The following AOPEP variants were observed in gnomAD, a reference collection of about 807,000 sequenced individuals.
AOPEP encodes aminopeptidase O.
In AOPEP, 77 loss-of-function variants were observed where a neutral mutation model predicts 98.1. The observed-to-expected ratio is 0.78, with a 90% CI of 0.65 to 0.95. The LOEUF is 0.95. AOPEP is among the 40% of genes least tolerant of loss of function. The pLI is 0.00. For missense variants in AOPEP, 1,024 were observed against 1,024.7 expected, an observed-to-expected ratio of 1.00 and a Z score of 0.01; for synonymous variants, 346 against 365.3, an observed-to-expected ratio of 0.95 and a Z score of 0.60.
intron 5 of AOPEP, among the ~76,000 whole-genome samples, chr9:94,875,347 G>GAAAAAAAAAAAAAA (rs71366265): frequency 8.4e-5 from 6 of 71,510 alleles, no homozygotes; most frequent in Admixed American, 1.9e-4. Context: ...AATTGAGCAA[G>GAAAAAAAAAAAAAA]AAAAAAAAAA....
intron 13 of AOPEP, among the ~76,000 whole-genome samples, chr9:95,035,082 T>C (rs1009143531): frequency 6.6e-6 from 1 of 152,034 alleles, no homozygotes; most frequent in Non-Finnish European, 1.5e-5. Flanking sequence ...AACCCATCAT[T>C]TACGTTAGGT....
At chr9:94,852,639 C>T (rs2043693786) in intron 5 of AOPEP, among the ~76,000 whole-genome samples, 1 of 152,248 alleles carries the variant, frequency 6.6e-6, no homozygotes, top group African/African-American at 2.4e-5. Context: ...ATCCCCCCAC[C>T]ACCATACCCC....
chr9:94,873,309 T>C (rs1252583079), intron 5 of AOPEP, among the ~76,000 whole-genome samples: 2 of 152,226 alleles, frequency 1.3e-5, no homozygotes, highest in African/African-American at 4.8e-5. Flanking sequence ...CTTCTATTTT[T>C]ACTTGTCTTA....
intron 3 of AOPEP, among the ~76,000 whole-genome samples, chr9:94,792,487 A>G (rs918354873): frequency 1.3e-5 from 2 of 152,032 alleles, no homozygotes; most frequent in Non-Finnish European, 2.9e-5. Flanking sequence ...CTGTGTTTAC[A>G]GCTGTGAGGG....
chr9:94,963,535 C>T (rs936994787), intron 9 of AOPEP, among the ~76,000 whole-genome samples: 2 of 151,976 alleles, frequency 1.3e-5, no homozygotes, highest in Admixed American at 6.6e-5. Flanking sequence ...TTGTAACCAT[C>T]GCCAAGGGTC....
At position 94,831,727 on chromosome 9, in the gene AOPEP, C is replaced by T. The variant is rs187779316; in HGVS notation, c.1364+30725C>T. 7.5e-3 allele frequency among the ~76,000 whole-genome samples: 1,135 copies of T among 151,992 alleles called. 19 individuals are homozygous for T. Among genetic ancestry groups the T allele is most frequent in the African/African-American group, 0.025 (1,052 of 41,502 alleles). ...CATTTGTTTGTGTCTTCTCTGATTTCCTTGAGCAGGGTTTTGTAGTTCTTC... is the reference window on the plus strand; with the variant it reads ...CATTTGTTTGTGTCTTCTCTGATTTTCTTGAGCAGGGTTTTGTAGTTCTTC... On this transcript the variant is annotated intron_variant, in intron 5 of 16. Coordinates refer to ENST00000375315, the MANE Select transcript of AOPEP (RefSeq NM_001193329.3).
chr9:95,125,741 A>G, the AOPEP span, among the ~76,000 whole-genome samples: 1 of 152,226 alleles, frequency 6.6e-6, no homozygotes, highest in Non-Finnish European at 1.5e-5. Flanking sequence ...TTATTGTCAC[A>G]GTAAAAATTC....
At chr9:94,769,827 A>G (rs1296428771) in intron 2 of AOPEP, among the ~76,000 whole-genome samples, 1 of 152,216 alleles carries the variant, frequency 6.6e-6, no homozygotes, top group Non-Finnish European at 1.5e-5. Context: ...AATGGCAGAA[A>G]GAGCTTTCAA....
chr9:94,977,279 A>G (rs1012030041), intron 10 of AOPEP, among the ~76,000 whole-genome samples: 4 of 151,926 alleles, frequency 2.6e-5, no homozygotes, highest in African/African-American at 9.7e-5. Flanking sequence ...CCTGGAGAGG[A>G]TAGTTCATTT....
chr9:95,058,261 C>A (rs1259077746), intron 13 of AOPEP, among the ~76,000 whole-genome samples: 2 of 152,192 alleles, frequency 1.3e-5, no homozygotes, highest in Non-Finnish European at 2.9e-5. Context: ...TTGTCTTACT[C>A]AGGGTTTCTT....
chr9:94,750,606 C>CA (rs1231124274), intron 1 of AOPEP, among the ~76,000 whole-genome samples: 2 of 151,210 alleles, frequency 1.3e-5, no homozygotes, highest in East Asian at 2.0e-4. Flanking sequence ...CAAAACAAAA[C>CA]AAAAAAAAGT....
intron 13 of AOPEP, among the ~76,000 whole-genome samples, chr9:95,017,663 G>A (rs1032158344): frequency 6.6e-6 from 1 of 152,122 alleles, no homozygotes; most frequent in Non-Finnish European, 1.5e-5. Context: ...TCATGTATAC[G>A]TTACATGCCA....
chr9:94,771,581 C>G (rs1054829498), intron 2 of AOPEP, among the ~76,000 whole-genome samples: 17 of 152,210 alleles, frequency 1.1e-4, no homozygotes, highest in Middle Eastern at 3.2e-3. Context: ...CTCTTGTCTT[C>G]TGGCTTCCTG....
At chr9:94,809,514 G>A (rs1010645648) in intron 5 of AOPEP, among the ~76,000 whole-genome samples, 2 of 152,148 alleles carry the variant, frequency 1.3e-5, no homozygotes, top group African/African-American at 2.4e-5. Context: ...GATGGAATTC[G>A]CCTTTCATTC....
chr9:95,031,134 A>G (rs577230900), intron 13 of AOPEP, among the ~76,000 whole-genome samples: 1 of 152,278 alleles, frequency 6.6e-6, no homozygotes, highest in East Asian at 1.9e-4. Flanking sequence ...GTGCAGTCAC[A>G]TGCACCCCCA....
intron 3 of AOPEP, among the ~76,000 whole-genome samples, chr9:94,781,936 A>T (rs1213970200): frequency 6.6e-6 from 1 of 151,274 alleles, no homozygotes; most frequent in African/African-American, 2.4e-5. Context: ...TCACACCTGT[A>T]ATCCCAGCAC....
intron 7 of AOPEP, chr9:94,931,979 T>TA: frequency 8.5e-7 from 1 of 1,172,876 alleles, no homozygotes; most frequent in South Asian, 2.6e-5. Flanking sequence ...CTCTAGCTGA[T>TA]AAAGAACCAA....
chr9:95,129,084 G>A, the AOPEP span, among the ~76,000 whole-genome samples: 1 of 152,038 alleles, frequency 6.6e-6, no homozygotes, highest in Admixed American at 6.5e-5. Flanking sequence ...TGTATTTTTA[G>A]TAGAGATGGG....
chr9:95,081,022 T>C, intron 15 of AOPEP: 13 of 515,574 alleles, frequency 2.5e-5, no homozygotes, highest in Non-Finnish European at 4.5e-5. Flanking sequence ...CGTCATCCGA[T>C]GCTGCGTGCT....
Sources: gnomAD v4.1 joint callset for allele counts (sites outside exome capture counted in the v4.1 genomes callset) on GRCh38, gnomAD v4.1.1 for gene constraint, MANE v1.5 for transcripts, NCBI Gene and HGNC (gene_info 2026-07-23, HGNC 2026-07-21) for gene names.